Variants in AKAIN1 observed in about 807,000 individuals in gnomAD.
AKAIN1 encodes the protein A-kinase anchor protein inhibitor 1.
AKAIN1 carries 3 observed loss-of-function variants against 3.7 expected under a neutral mutation model. The observed-to-expected ratio is 0.82, with a 90% CI of 0.37 to 2.12. The LOEUF (loss-of-function observed/expected upper bound fraction) is 2.12. Among genes scored for constraint, AKAIN1 ranks in the 30% most tolerant of loss-of-function variants. The pLI is 0.06. For missense variants in AKAIN1, 82 were observed against 82.7 expected (o/e 0.99, Z 0.03); for synonymous variants, 31 against 30.8 (o/e 1.01, Z -0.02).
At chr18:5,154,731 A>G (rs1174320947) in intron 1 of AKAIN1, among the ~76,000 whole-genome samples, 1 of 152,010 alleles carries the variant, frequency 6.6e-6, no homozygotes, top group African/African-American at 2.4e-5. Flanking sequence ...AACAGAAACT[A>G]GCCCTCTCAA....
intron 1 of AKAIN1, 117 bp downstream of exon 1, chr18:5,196,921 G>GT (rs1312777411): frequency 2.1e-6 from 2 of 958,674 alleles, no homozygotes; most frequent in Non-Finnish European, 3.3e-6. Context: ...AGCACAGACA[G>GT]TAACTCCGAA....
chr18:5,150,952 G>A (rs933750023), intron 1 of AKAIN1, among the ~76,000 whole-genome samples: 1 of 152,130 alleles, frequency 6.6e-6, no homozygotes, highest in African/African-American at 2.4e-5. Context: ...TTTGGAAAAG[G>A]TCAGTGTTCC....
intron 1 of AKAIN1, among the ~76,000 whole-genome samples, chr18:5,183,082 GT>G (rs1277056507): frequency 6.6e-6 from 1 of 151,852 alleles, no homozygotes; most frequent in East Asian, 1.9e-4. Context: ...TCAAATCCTG[GT>G]TCTGCAAACT....
intron 1 of AKAIN1, among the ~76,000 whole-genome samples, chr18:5,191,564 C>T (rs952924375): frequency 3.3e-5 from 5 of 152,066 alleles, no homozygotes; most frequent in African/African-American, 1.2e-4. Context: ...TCATTCTCCA[C>T]ACACTGATCC....
At position 5,188,108 on chromosome 18, in the gene AKAIN1, A is replaced by T. The variant is rs1598316673; in HGVS notation, c.16+8930T>A. On this transcript the variant is annotated intron_variant, in intron 1 of 1. Transcript: ENST00000434239. ...TAAAGCCAAAGAATAATATTCTTTG[A>T]CTCAATGTCCTGAATCCTAGGCACC... Among the ~76,000 whole-genome samples, 3 of 152,214 alleles carry T rather than the reference A, an allele frequency of 2.0e-5. No individual in the cohort carries two copies. The East Asian group carries it at 5.8e-4, about 29-fold the overall frequency.
intron 1 of AKAIN1, among the ~76,000 whole-genome samples, chr18:5,180,681 T>C (rs1218491798): frequency 6.6e-6 from 1 of 152,170 alleles, no homozygotes; most frequent in Non-Finnish European, 1.5e-5. Flanking sequence ...AACTTCATTC[T>C]AAATTCCCTG....
chr18:5,152,984 G>C (rs1376830862), intron 1 of AKAIN1, among the ~76,000 whole-genome samples: 1 of 152,178 alleles, frequency 6.6e-6, no homozygotes, highest in Non-Finnish European at 1.5e-5. Flanking sequence ...TCTGAGGAGA[G>C]TTACATAATT....
At chr18:5,167,480 G>A (rs2071173723) in intron 1 of AKAIN1, among the ~76,000 whole-genome samples, 1 of 152,168 alleles carries the variant, frequency 6.6e-6, no homozygotes, top group South Asian at 2.1e-4. Context: ...TGAAGGAGGA[G>A]TTACTGTTGT....
At chr18:5,150,876 C>T (rs984485048) in intron 1 of AKAIN1, among the ~76,000 whole-genome samples, 1 of 152,140 alleles carries the variant, frequency 6.6e-6, no homozygotes, top group Admixed American at 6.5e-5. Context: ...CATCAATTTT[C>T]CCCCCAGAAC....
chr18:5,143,635 G>A lies in AKAIN1; in HGVS notation c.*1927C>T, dbSNP rs748930646. On this transcript the variant is annotated 3_prime_UTR_variant, in exon 2 of 2. Coordinates refer to ENST00000434239, the MANE Select transcript of AKAIN1 (RefSeq NM_001145194.2). ...GGTTCCAAATAATGGTAAGATCCAC[G>A]TACAAAATGAGCCAAACGGCAGAGT... is the stretch of plus-strand genomic sequence containing the variant. Among the ~76,000 whole-genome samples, 19 of 152,204 alleles carry A rather than the reference G, an allele frequency of 1.2e-4. No homozygotes were observed. Among genetic ancestry groups the A allele is most frequent in the Non-Finnish European group, 1.5e-4 (10 of 68,018 alleles).
At chr18:5,150,043 T>C (rs1242225870) in intron 1 of AKAIN1, among the ~76,000 whole-genome samples, 1 of 152,180 alleles carries the variant, frequency 6.6e-6, no homozygotes, top group Non-Finnish European at 1.5e-5. Flanking sequence ...CAATTTGCTG[T>C]GGCCAAAAAG....
intron 1 of AKAIN1, 74 bp from the exon 2 acceptor site, chr18:5,145,829 A>G: frequency 7.7e-7 from 1 of 1,302,900 alleles, no homozygotes; most frequent in Non-Finnish European, 1.1e-6. Flanking sequence ...AAGGTAGAGG[A>G]GAAAGATGGG....
chr18:5,195,475 G>A (rs1163907308), intron 1 of AKAIN1, among the ~76,000 whole-genome samples: 1 of 152,134 alleles, frequency 6.6e-6, no homozygotes, highest in Non-Finnish European at 1.5e-5. Flanking sequence ...GATATGCTGA[G>A]TCTCTGGCTA....
chr18:5,176,048 C>T (rs182088583), intron 1 of AKAIN1, among the ~76,000 whole-genome samples: 200 of 152,226 alleles, frequency 1.3e-3, no homozygotes, highest in African/African-American at 4.2e-3. Flanking sequence ...TGTCCCCAGA[C>T]ATTGCCAAAT....
intron 1 of AKAIN1, chr18:5,163,924 G>A (rs1390614991): frequency 1.3e-5 from 2 of 152,012 alleles, no homozygotes; most frequent in Admixed American, 1.3e-4. Flanking sequence ...GTATACTTAT[G>A]TGCATCACAT....
chr18:5,187,001 A>T (rs1436868896), intron 1 of AKAIN1, among the ~76,000 whole-genome samples: 1 of 152,186 alleles, frequency 6.6e-6, no homozygotes, highest in Non-Finnish European at 1.5e-5. Context: ...AATGAAAATG[A>T]AAATACAACA....
chr18:5,144,271 G>A lies in AKAIN1; in HGVS notation c.*1291C>T, dbSNP rs1857847. ...TTAATATCAGTCACAATTTATACCC[G>A]AATACTTTGCTTTAAAAAAAAATCA... On this transcript the variant is annotated 3_prime_UTR_variant, in exon 2 of 2. Coordinates refer to ENST00000434239, the MANE Select transcript of AKAIN1 (RefSeq NM_001145194.2). Among the ~76,000 whole-genome samples, 34,760 of 151,892 alleles carry A rather than the reference G, an allele frequency of 0.23. 4,842 individuals are homozygous for A. Among genetic ancestry groups the A allele is most frequent in the African/African-American group, 0.4 (16,370 of 41,402 alleles).
intron 1 of AKAIN1, among the ~76,000 whole-genome samples, chr18:5,165,378 A>G (rs145500368): frequency 4.4e-4 from 67 of 152,114 alleles, no homozygotes; most frequent in African/African-American, 1.4e-3. Flanking sequence ...ACAATGAGTA[A>G]GGTGTAAGAA....
In AKAIN1 at chr18:5,153,110, C is replaced by T. The variant is rs147689024; in HGVS notation, c.17-7355G>A. ...GGCCTTGAAGGGCAGGGCAGACAAGCGGCTGGTTGACTAACAGGGTCATGG... is the reference window on the plus strand; with the variant it reads ...GGCCTTGAAGGGCAGGGCAGACAAGTGGCTGGTTGACTAACAGGGTCATGG... On this transcript the variant is annotated intron_variant, in intron 1 of 1. Transcript: ENST00000434239. Among the ~76,000 whole-genome samples, 208 of 152,218 alleles carry T rather than the reference C, an allele frequency of 1.4e-3. 1 individual carries two copies. Among genetic ancestry groups the T allele is most frequent in the Middle Eastern group, 3.4e-3 (1 of 294 alleles).
Sources: gnomAD v4.1 joint callset for allele counts (sites outside exome capture counted in the v4.1 genomes callset) on GRCh38, gnomAD v4.1.1 for gene constraint, MANE v1.5 for transcripts, NCBI Gene and HGNC (gene_info 2026-07-23, HGNC 2026-07-21) for gene names.